Variants in COL4A2 observed in about 807,000 individuals in gnomAD.
COL4A2 encodes the protein collagen alpha-2(IV) chain.
A neutral mutation model predicts 200.2 loss-of-function variants in COL4A2; 99 were observed. The ratio of observed to expected loss-of-function variants is 0.49; its 90% CI spans 0.42 to 0.58. The LOEUF (loss-of-function observed/expected upper bound fraction) is 0.58, where lower values mean the gene tolerates loss of function less well. COL4A2 is among the 20% of genes least tolerant of loss of function. COL4A2 has a pLI of 0.00. For synonymous variants in COL4A2, 897 were observed against 900.6 expected, an observed-to-expected ratio of 1.00 and a Z score of 0.07; for missense variants, 1,950 against 2,314.1, an observed-to-expected ratio of 0.84 and a Z score of 3.23.
At position 110,307,704 on chromosome 13, in the gene COL4A2, T is replaced by A. The variant is rs558618712; in HGVS notation, c.-44-156T>A. ...CCCACAGGGGCCTAACGGGAGGCTC[T>A]CCTTCTTTCCGGGTCGTGGGGGGGA... On this transcript the variant is annotated intron_variant, in intron 1 of 47. Transcript: ENST00000360467. This position sits in a 1 kb window ranked among gnomAD's most constrained non-coding sequence, Gnocchi z 5.0. Among the ~76,000 whole-genome samples the A allele has an allele frequency of 5.4e-4, 82 of 152,166 alleles. 1 individual carries two copies. Among genetic ancestry groups the A allele is most frequent in the Admixed American group, 5.0e-3 (76 of 15,292 alleles).
At chr13:110,358,796 T>G (rs1287863945) in intron 4 of COL4A2, among the ~76,000 whole-genome samples, 1 of 152,238 alleles carries the variant, frequency 6.6e-6, no homozygotes, top group Non-Finnish European at 1.5e-5. Flanking sequence ...TTTAATCAAT[T>G]GTATTCTGTT....
chr13:110,349,517 G>A (rs1876858968), intron 3 of COL4A2, among the ~76,000 whole-genome samples: 1 of 152,212 alleles, frequency 6.6e-6, no homozygotes, highest in Non-Finnish European at 1.5e-5. Flanking sequence ...CAACTCCACT[G>A]TATCCCATTG....
intron 16 of COL4A2, among the ~76,000 whole-genome samples, chr13:110,440,237 T>C (rs138695485): frequency 1.3e-4 from 20 of 152,298 alleles, no homozygotes; most frequent in African/African-American, 4.6e-4. Context: ...GACAACCCAA[T>C]TATTTTTATC....
At chr13:110,385,422 G>A (rs1325672932) in intron 4 of COL4A2, among the ~76,000 whole-genome samples, 3 of 99,780 alleles carry the variant, frequency 3.0e-5, no homozygotes, top group African/African-American at 1.1e-4. Flanking sequence ...TGGATAGACT[G>A]TGGTTACAGT....
rs1034197664 is a variant in COL4A2 at position 110,466,891 on chromosome 13, A to G, written c.2039-149A>G. 6.1e-6 allele frequency: 6 copies of G among 983,756 alleles called. No homozygotes were observed. The African/African-American group carries it at 9.8e-5, about 16-fold the overall frequency. 60.9% of individuals were successfully genotyped at this position (983,756 alleles called of 1,614,324 possible). On this transcript the variant is annotated intron_variant, in intron 26 of 47. Transcript: ENST00000360467. ...AAATTAAACTTTTATTTACATCAGA[A>G]CCAAGATGAATTAAATCATTAAGTT...
At chr13:110,460,778 G>A (rs1211517617) in intron 22 of COL4A2, among the ~76,000 whole-genome samples, 1 of 152,162 alleles carries the variant, frequency 6.6e-6, no homozygotes, top group Admixed American at 6.5e-5. Context: ...GAGTGGCAGG[G>A]CGCTTGAAGT....
intron 3 of COL4A2, among the ~76,000 whole-genome samples, chr13:110,310,684 C>A (rs4773145): frequency 6.6e-6 from 1 of 151,888 alleles, no homozygotes; most frequent in Non-Finnish European, 1.5e-5. Flanking sequence ...CTCTTTCCTG[C>A]GTAGGTCAGT....
intron 3 of COL4A2, among the ~76,000 whole-genome samples, chr13:110,324,734 G>T (rs1166629753): frequency 6.6e-6 from 1 of 152,214 alleles, no homozygotes; most frequent in Non-Finnish European, 1.5e-5. Flanking sequence ...CTGGCCTCGG[G>T]ATTGTTTCTG....
At chr13:110,412,512 C>T (rs1428552858) in intron 4 of COL4A2, among the ~76,000 whole-genome samples, 21 of 152,210 alleles carry the variant, frequency 1.4e-4, no homozygotes, top group African/African-American at 4.8e-4. Flanking sequence ...CAAACAAAAA[C>T]GTGTCTTTTT....
chr13:110,465,861 C>A, intron 25 of COL4A2, 142 bp from the exon 26 acceptor site: 1 of 1,050,734 alleles, frequency 9.5e-7, no homozygotes, highest in Non-Finnish European at 1.4e-6. Flanking sequence ...ATGGCTTTCC[C>A]GTTCCCTGCC....
intron 4 of COL4A2, among the ~76,000 whole-genome samples, chr13:110,395,585 A>G (rs1879155171): frequency 6.6e-6 from 1 of 152,220 alleles, no homozygotes; most frequent in African/African-American, 2.4e-5. Flanking sequence ...TCAACTGGAT[A>G]TAACATTTTG....
rs572876233 is a variant in COL4A2, at chr13:110,436,964, T to G, written c.825+597T>G. ...TCCTGTTCCCCCTGTCAAATGGGGATGGCGACACTGACCTCCTGGAGCTGA... is the reference window on the plus strand; with the variant it reads ...TCCTGTTCCCCCTGTCAAATGGGGAGGGCGACACTGACCTCCTGGAGCTGA... On this transcript the variant is annotated intron_variant, in intron 13 of 47. Transcript: ENST00000360467. 4.7e-3 allele frequency among the ~76,000 whole-genome samples: 720 copies of G among 152,288 alleles called. 2 individuals are homozygous for G. Among genetic ancestry groups the G allele is most frequent in the Non-Finnish European group, 7.4e-3 (505 of 68,016 alleles).
chr13:110,334,684 C>T (rs1876092686), intron 3 of COL4A2, among the ~76,000 whole-genome samples: 1 of 152,138 alleles, frequency 6.6e-6, no homozygotes, highest in Non-Finnish European at 1.5e-5. Flanking sequence ...TGAGACAGGT[C>T]AAGAAAATTC....
At chr13:110,398,441 T>A (rs1259923840) in intron 4 of COL4A2, among the ~76,000 whole-genome samples, 1 of 152,188 alleles carries the variant, frequency 6.6e-6, no homozygotes, top group Admixed American at 6.5e-5. Context: ...GGTGGATCAG[T>A]TGAGGTCGGG....
chr13:110,383,066 T>C (rs143045331), intron 4 of COL4A2, among the ~76,000 whole-genome samples: 19 of 152,388 alleles, frequency 1.2e-4, no homozygotes, highest in African/African-American at 4.1e-4. Context: ...TCAACTCAAC[T>C]AGCTCTTTTA....
chr13:110,472,204 C>T lies in COL4A2; in HGVS notation c.2204-725C>T, dbSNP rs182840431. On this transcript the variant is annotated intron_variant, in intron 28 of 47. Coordinates refer to ENST00000360467, the MANE Select transcript of COL4A2 (RefSeq NM_001846.4). ...GATCTTGGCTCACTGCAAGCTCCGCCTCCCGGGTTCACGCCATTCTCCCGC... is the reference window on the plus strand; with the variant it reads ...GATCTTGGCTCACTGCAAGCTCCGCTTCCCGGGTTCACGCCATTCTCCCGC... Among the ~76,000 whole-genome samples, 930 of 151,708 alleles carry T rather than the reference C, an allele frequency of 6.1e-3. 10 individuals are homozygous for T. The highest frequency in any genetic ancestry group is 0.022 in the African/African-American group (891 of 41,366).
intron 35 of COL4A2, 51 bp from the exon 36 acceptor site, chr13:110,489,660 A>T: frequency 1.2e-6 from 2 of 1,611,642 alleles, no homozygotes; most frequent in Non-Finnish European, 1.7e-6. Flanking sequence ...CAAAACTCAC[A>T]AAGTCCCAGT....
chr13:110,500,950 A>G (rs1403929737), intron 40 of COL4A2, among the ~76,000 whole-genome samples: 1 of 152,240 alleles, frequency 6.6e-6, no homozygotes, highest in Non-Finnish European at 1.5e-5. Flanking sequence ...ACCAGCATAA[A>G]GCACAAAAAT....
chr13:110,423,216 A>G (rs2139451970), intron 4 of COL4A2, among the ~76,000 whole-genome samples: 1 of 152,214 alleles, frequency 6.6e-6, no homozygotes, highest in South Asian at 2.1e-4. Flanking sequence ...TAACTATAAT[A>G]CAATAGTTAG....
Sources: gnomAD v4.1 joint callset for allele counts (sites outside exome capture counted in the v4.1 genomes callset) on GRCh38, gnomAD v4.1.1 for gene constraint, Gnocchi (gnomAD v3.1) non-coding constraint, MANE v1.5 for transcripts, NCBI Gene and HGNC (gene_info 2026-07-23, HGNC 2026-07-21) for gene names.